FAM168B: variants seen among roughly 807,000 people sequenced by gnomAD.
FAM168B encodes myelin-associated neurite-outgrowth inhibitor.
Under a neutral mutation model 21.8 loss-of-function variants are expected in FAM168B, and 19 were observed. That is an observed-to-expected ratio of 0.87 (90% CI 0.61 to 1.28). The LOEUF is 1.28. FAM168B is among the 50% of genes most tolerant of loss of function. FAM168B has a pLI of 0.00. For synonymous variants in FAM168B, 126 were observed against 104.8 expected, an observed-to-expected ratio of 1.20 and a Z score of -1.24; for missense variants, 233 against 263.1, an observed-to-expected ratio of 0.89 and a Z score of 0.79.
chr2:131,065,172 A>G (rs781363072), intron 3 of FAM168B, among the ~76,000 whole-genome samples: 1 of 152,200 alleles, frequency 6.6e-6, no homozygotes, highest in Non-Finnish European at 1.5e-5. Context: ...CAGCAGAAAC[A>G]TGTCATGTGG....
In FAM168B at chr2:131,088,526, G is replaced by A. The variant is rs879543217; in HGVS notation, c.-12+4688C>T. Among the ~76,000 whole-genome samples, 7 of 152,264 alleles carry A rather than the reference G, an allele frequency of 4.6e-5. No individual in the cohort carries two copies. The Middle Eastern group carries it at 0.01, about 222-fold the overall frequency. On this transcript the variant is annotated intron_variant, in intron 1 of 6. Transcript: ENST00000389915. ...GGACTCGATTTAGACTGAAACAACTGTAAACAGAGTTTAAAGATATCTGGG... is the reference window on the plus strand; with the variant it reads ...GGACTCGATTTAGACTGAAACAACTATAAACAGAGTTTAAAGATATCTGGG...
rs185444255 is a variant in FAM168B, at chr2:131,084,197, C to A, written c.-11-1540G>T. ...CTGTATTTCTCCCCTCCGCCCCCCC[C>A]ACCCCACCCCAAGACAGGGTCTTGC... On this transcript the variant is annotated intron_variant, in intron 1 of 6. Transcript: ENST00000389915. Among the ~76,000 whole-genome samples the A allele has an allele frequency of 9.3e-3, 1,319 of 141,494 alleles. 15 individuals carry two copies. Among genetic ancestry groups the A allele is most frequent in the African/African-American group, 0.032 (1,213 of 37,462 alleles). 92.8% of individuals were successfully genotyped at this position (141,494 alleles called of 152,430 possible).
intron 2 of FAM168B, among the ~76,000 whole-genome samples, chr2:131,073,538 G>C (rs531305797): frequency 6.6e-6 from 1 of 152,274 alleles, no homozygotes; most frequent in East Asian, 1.9e-4. Context: ...TATTATGAAA[G>C]TGGGTTCCTG....
intron 1 of FAM168B, among the ~76,000 whole-genome samples, chr2:131,090,170 A>AT (rs1438104246): frequency 6.7e-6 from 1 of 149,836 alleles, no homozygotes; most frequent in South Asian, 2.1e-4. Context: ...AAAAAAAAAA[A>AT]ATTATCCAGG....
At chr2:131,053,130 T>C (rs1469072849) in intron 5 of FAM168B, 115 bp from the exon 6 acceptor site, 4 of 1,378,322 alleles carry the variant, frequency 2.9e-6, no homozygotes, top group Middle Eastern at 2.5e-4. Context: ...GGAAGAGGGA[T>C]AGTCTTGACC....
intron 2 of FAM168B, among the ~76,000 whole-genome samples, chr2:131,081,815 T>C (rs1362789212): frequency 6.6e-6 from 1 of 152,220 alleles, no homozygotes; most frequent in Non-Finnish European, 1.5e-5. Flanking sequence ...CCTTCACATT[T>C]GACCCCAGAT....
At position 131,052,896 on chromosome 2, in the gene FAM168B, C is replaced by T; in HGVS notation, c.*7G>A. 6.4e-7 allele frequency: 1 copy of T among 1,552,752 alleles called. No homozygotes were observed. Among genetic ancestry groups the T allele is most frequent in the Non-Finnish European group, 8.7e-7 (1 of 1,147,346 alleles). On this transcript the variant is annotated 3_prime_UTR_variant, in exon 6 of 7. Coordinates refer to ENST00000389915, the MANE Select transcript of FAM168B (RefSeq NM_001009993.4). ...AGCCTTCCCTGGTCACTTACATTTG[C>T]AGGTGATCACCACTGAGGGGGCACA...
At position 131,049,537 on chromosome 2, in the gene FAM168B, A is replaced by C. The variant is rs1691518479; in HGVS notation, c.*2928T>G. On this transcript the variant is annotated 3_prime_UTR_variant, in exon 7 of 7. Coordinates refer to ENST00000389915, the MANE Select transcript of FAM168B (RefSeq NM_001009993.4). ...GCAAGTTCATGGGTCACTGGCTCAC[A>C]CTAAATGCTCAGCCGCCAGCACAGA... The C allele has an allele frequency of 1.0e-6, 1 of 985,330 alleles. No individual in the cohort carries two copies. The highest frequency in any genetic ancestry group is 4.7e-5 in the South Asian group (1 of 21,290). 61.0% of individuals were successfully genotyped at this position (985,330 alleles called of 1,614,324 possible). A position where few individuals can be genotyped will look rare whatever the true frequency, so the allele number is the denominator to read the frequency against.
chr2:131,070,375 G>C (rs902773035), intron 3 of FAM168B, among the ~76,000 whole-genome samples: 15 of 152,206 alleles, frequency 9.9e-5, no homozygotes, highest in African/African-American at 3.4e-4. Context: ...AGAATGGCTA[G>C]AATTAAAAAG....
In FAM168B at chr2:131,048,528, G is replaced by T; in HGVS notation, c.*3937C>A. The stretch of plus-strand genomic sequence containing the variant: ...AGGCTCTCTCTTCTTCAAATAATGA[G>T]TAGGAAAAAGAGACAAACTTTCTGA... On this transcript the variant is annotated 3_prime_UTR_variant, in exon 7 of 7. Transcript: ENST00000389915. 8.9e-7 allele frequency: 1 copy of T among 1,118,824 alleles called. No individual in the cohort carries two copies. The highest frequency in any genetic ancestry group is 1.1e-6 in the Non-Finnish European group (1 of 897,468). The allele number at this position is 1,118,824 out of a possible 1,614,324, so 69.3% of individuals were successfully genotyped here.
intron 3 of FAM168B, among the ~76,000 whole-genome samples, chr2:131,066,675 T>C (rs1365541511): frequency 2.0e-5 from 3 of 152,192 alleles, no homozygotes; most frequent in Non-Finnish European, 4.4e-5. Flanking sequence ...TGCCTGATCG[T>C]AGGCTTGGGG....
chr2:131,080,719 G>A (rs1261652561), intron 2 of FAM168B, among the ~76,000 whole-genome samples: 1 of 150,586 alleles, frequency 6.6e-6, no homozygotes, highest in East Asian at 2.0e-4. Flanking sequence ...GCCCAGGCTG[G>A]AGTGCAGTGG....
Position 131,093,441 on chromosome 2 carries a change from C to T in FAM168B, c.-239G>A, listed in dbSNP as rs980302188. 5.3e-5 allele frequency: 8 copies of T among 151,248 alleles called. No individual in the cohort carries two copies. The highest frequency in any genetic ancestry group is 1.2e-4 in the Non-Finnish European group (8 of 67,792). 9.4% of individuals were successfully genotyped at this position (151,248 alleles called of 1,614,324 possible). On this transcript the variant is annotated 5_prime_UTR_variant, in exon 1 of 7. Coordinates refer to ENST00000389915, the MANE Select transcript of FAM168B (RefSeq NM_001009993.4). ...GCCCGCGCTCCCCGCCGACGCTGCGCAGCCACCGGAGCCGCCGACCTCACT... is the reference window on the plus strand; with the variant it reads ...GCCCGCGCTCCCCGCCGACGCTGCGTAGCCACCGGAGCCGCCGACCTCACT...
chr2:131,085,942 A>G (rs1693673523), intron 1 of FAM168B, among the ~76,000 whole-genome samples: 1 of 152,168 alleles, frequency 6.6e-6, no homozygotes, highest in African/African-American at 2.4e-5. Context: ...GCTTTATTTA[A>G]CTTCAACATA....
Position 131,048,588 on chromosome 2 carries a change from C to A in FAM168B, c.*3877G>T. ...TTTCCGACCCAAATAGGCCACATAC[C>A]CCAACTTCTGTGTTACTTGGTCAGT... is the stretch of plus-strand genomic sequence containing the variant. On this transcript the variant is annotated 3_prime_UTR_variant, in exon 7 of 7. Coordinates refer to ENST00000389915, the MANE Select transcript of FAM168B (RefSeq NM_001009993.4). 1 of 1,098,296 alleles carries A rather than the reference C, an allele frequency of 9.1e-7. No homozygotes were observed. Among genetic ancestry groups the A allele is most frequent in the Non-Finnish European group, 1.1e-6 (1 of 892,774 alleles). 68.0% of individuals were successfully genotyped at this position (1,098,296 alleles called of 1,614,324 possible).
intron 3 of FAM168B, among the ~76,000 whole-genome samples, chr2:131,070,894 T>A (rs1186659091): frequency 2.6e-5 from 4 of 152,308 alleles, no homozygotes; most frequent in African/African-American, 9.6e-5. Flanking sequence ...GGGAAACCAC[T>A]GAGAAAAATT....
intron 2 of FAM168B, among the ~76,000 whole-genome samples, chr2:131,080,346 T>C (rs553697515): frequency 4.9e-4 from 73 of 150,244 alleles, no homozygotes; most frequent in African/African-American, 1.7e-3. Flanking sequence ...TATCTTAAGG[T>C]AAGGCAACAA....
chr2:131,051,702 C>T lies in FAM168B; in HGVS notation c.*763G>A. ...AGAAACTGCTTTGCTGACACATAAACCACCCCCCTCGCCCCAAATTTCACT... is the reference window on the plus strand; with the variant it reads ...AGAAACTGCTTTGCTGACACATAAATCACCCCCCTCGCCCCAAATTTCACT... On this transcript the variant is annotated 3_prime_UTR_variant, in exon 7 of 7. Coordinates refer to ENST00000389915, the MANE Select transcript of FAM168B (RefSeq NM_001009993.4). 1 of 985,176 alleles carries T rather than the reference C, an allele frequency of 1.0e-6. No homozygotes were observed. Among genetic ancestry groups the T allele is most frequent in the Non-Finnish European group, 1.2e-6 (1 of 829,896 alleles). The allele number at this position is 985,176 out of a possible 1,614,324, so 61.0% of individuals were successfully genotyped here. A position where few individuals can be genotyped will look rare whatever the true frequency, so the allele number is the denominator to read the frequency against.
chr2:131,056,491 G>A (rs977240135), intron 3 of FAM168B, among the ~76,000 whole-genome samples: 2 of 152,062 alleles, frequency 1.3e-5, no homozygotes, highest in African/African-American at 2.4e-5. Context: ...CCACCAACCC[G>A]TCTCCAGAAG....
Sources: allele counts gnomAD v4.1 joint callset (sites outside exome capture counted in the v4.1 genomes callset), GRCh38; gene constraint gnomAD v4.1.1; transcripts MANE v1.5; gene names NCBI Gene and HGNC (gene_info 2026-07-23, HGNC 2026-07-21).